Variants in PTPRN2 observed in about 807,000 individuals in gnomAD.
PTPRN2 encodes the protein protein tyrosine phosphatase receptor type N2.
A neutral mutation model predicts 118.8 loss-of-function variants in PTPRN2; 74 were observed. The ratio of observed to expected loss-of-function variants is 0.62; its 90% CI spans 0.52 to 0.76. The LOEUF is 0.76. Among genes scored for constraint, PTPRN2 ranks in the 30% least tolerant of loss-of-function variants. The probability of loss-of-function intolerance (pLI) is 0.00; values close to 1 mark genes in which losing one functional copy is unlikely to be tolerated. For synonymous variants in PTPRN2, 641 were observed against 608.0 expected (o/e 1.05, Z -0.80); for missense variants, 1,481 against 1,394.4 (o/e 1.06, Z -0.99).
chr7:157,973,751 G>A (rs1216399907), intron 11 of PTPRN2, among the ~76,000 whole-genome samples: 3 of 152,190 alleles, frequency 2.0e-5, no homozygotes, highest in Non-Finnish European at 4.4e-5. Context: ...TAATGGCAAT[G>A]TAAAATTTAA....
chr7:157,933,213 A>G (rs35816316), intron 11 of PTPRN2, among the ~76,000 whole-genome samples: 2,189 of 41,480 alleles, frequency 0.053, no homozygotes, highest in Non-Finnish European at 0.073. Context: ...TTTTAGAGGA[A>G]GGGTGAGTCA....
At chr7:158,139,453 C>T (rs1278891282) in intron 6 of PTPRN2, among the ~76,000 whole-genome samples, 1 of 152,116 alleles carries the variant, frequency 6.6e-6, no homozygotes, top group Non-Finnish European at 1.5e-5. Context: ...GAACCTCAGT[C>T]ACCCCTGGGG....
At chr7:157,844,754 A>G (rs1808678170) in intron 12 of PTPRN2, among the ~76,000 whole-genome samples, 1 of 152,178 alleles carries the variant, frequency 6.6e-6, no homozygotes, top group African/African-American at 2.4e-5. Context: ...AGTTCTCAGG[A>G]CTGGTGCAGG....
At chr7:157,775,152 C>T (rs962907713) in intron 12 of PTPRN2, among the ~76,000 whole-genome samples, 7 of 152,170 alleles carry the variant, frequency 4.6e-5, no homozygotes, top group South Asian at 2.1e-4. Flanking sequence ...CACTCCGTCA[C>T]GGCAGTGTAG....
chr7:158,573,620 A>C (rs1828164457), intron 1 of PTPRN2, among the ~76,000 whole-genome samples: 1 of 152,188 alleles, frequency 6.6e-6, no homozygotes, highest in Non-Finnish European at 1.5e-5. Flanking sequence ...CTGGGTCTGA[A>C]TGTCCTTATG....
At chr7:158,288,107 T>C (rs1269174243) in intron 3 of PTPRN2, among the ~76,000 whole-genome samples, 1 of 152,272 alleles carries the variant, frequency 6.6e-6, no homozygotes, top group Middle Eastern at 3.4e-3. Context: ...TATTTAAGTA[T>C]AGCACTTCTA....
intron 12 of PTPRN2, among the ~76,000 whole-genome samples, chr7:157,892,740 A>C (rs1796876446): frequency 6.6e-6 from 1 of 152,248 alleles, no homozygotes; most frequent in South Asian, 2.1e-4. Context: ...ATAATTTATC[A>C]ACTTGTACCC....
chr7:157,934,429 G>A (rs767865709), intron 11 of PTPRN2, among the ~76,000 whole-genome samples: 21 of 152,228 alleles, frequency 1.4e-4, no homozygotes, highest in Admixed American at 5.9e-4. Flanking sequence ...AGCCATGGGA[G>A]CAGAGAGAGG....
chr7:157,731,184 T>C (rs1799878623), intron 12 of PTPRN2, among the ~76,000 whole-genome samples: 2 of 152,060 alleles, frequency 1.3e-5, no homozygotes, highest in South Asian at 4.2e-4. Flanking sequence ...AATCACTTCT[T>C]AGCATGCAAA....
intron 14 of PTPRN2, among the ~76,000 whole-genome samples, chr7:157,654,705 C>A (rs777912430): frequency 6.6e-6 from 1 of 152,210 alleles, no homozygotes; most frequent in Non-Finnish European, 1.5e-5. Flanking sequence ...GCTGTCAGAG[C>A]TGCCATTACA....
intron 11 of PTPRN2, chr7:158,027,740 G>A (rs927868730): frequency 2.0e-5 from 3 of 152,032 alleles, no homozygotes; most frequent in Admixed American, 6.6e-5. Context: ...TTTCTCCAGC[G>A]GAGCAGAGCC....
At chr7:158,276,689 C>T (rs1586096849) in intron 3 of PTPRN2, among the ~76,000 whole-genome samples, 2 of 152,230 alleles carry the variant, frequency 1.3e-5, no homozygotes, top group Non-Finnish European at 2.9e-5. Flanking sequence ...GCCCACACAG[C>T]ACTGTGCCAG....
At chr7:158,236,290 G>A (rs190767339) in intron 3 of PTPRN2, among the ~76,000 whole-genome samples, 281 of 152,302 alleles carry the variant, frequency 1.8e-3, no homozygotes, top group African/African-American at 6.4e-3. Context: ...GTCTTCAGAG[G>A]AGCCCCAGCT....
At chr7:158,465,080 A>G (rs1819295913) in intron 2 of PTPRN2, among the ~76,000 whole-genome samples, 1 of 152,270 alleles carries the variant, frequency 6.6e-6, no homozygotes, top group African/African-American at 2.4e-5. Context: ...ATACAAGTCC[A>G]GATTCCAGCA....
chr7:157,952,822 A>T lies in PTPRN2; in HGVS notation c.1724-54085T>A, dbSNP rs547252805. ...ACCCAGACCACCGAATGCTCTGAAC[A>T]CACTTGCTTGCTTTCAGGTGGAAAC... is the stretch of plus-strand genomic sequence containing the variant. On this transcript the variant is annotated intron_variant, in intron 11 of 22. Transcript: ENST00000389418. 5.6e-4 allele frequency among the ~76,000 whole-genome samples: 86 copies of T among 152,258 alleles called. No individual in the cohort carries two copies. The Middle Eastern group carries it at 0.017, about 30-fold the overall frequency.
intron 2 of PTPRN2, among the ~76,000 whole-genome samples, chr7:158,429,483 C>T (rs1815999953): frequency 1.3e-5 from 2 of 152,224 alleles, no homozygotes; most frequent in Admixed American, 1.3e-4. Context: ...ACCGTCAGCC[C>T]AATGCTGGGT....
chr7:157,693,140 A>T (rs1407822371), intron 12 of PTPRN2, among the ~76,000 whole-genome samples: 1 of 150,846 alleles, frequency 6.6e-6, no homozygotes, highest in Non-Finnish European at 1.5e-5. Context: ...AGGGGAAGAC[A>T]GCGGAGAGAA....
chr7:158,283,951 G>A (rs1490103987), intron 3 of PTPRN2, among the ~76,000 whole-genome samples: 2 of 152,174 alleles, frequency 1.3e-5, no homozygotes, highest in African/African-American at 4.8e-5. Flanking sequence ...GGAGGGCTGT[G>A]TCCTGCTCCT....
intron 11 of PTPRN2, among the ~76,000 whole-genome samples, chr7:157,962,566 C>T (rs1184330932): frequency 2.6e-5 from 4 of 152,232 alleles, no homozygotes; most frequent in Non-Finnish European, 5.9e-5. Flanking sequence ...AAGACTACAG[C>T]TTCCTGAAGT....
Sources: allele counts gnomAD v4.1 joint callset (sites outside exome capture counted in the v4.1 genomes callset), GRCh38; gene constraint gnomAD v4.1.1; transcripts MANE v1.5; gene names NCBI Gene and HGNC (gene_info 2026-07-23, HGNC 2026-07-21).